The following MS4A4E variants were observed in gnomAD, a reference collection of about 807,000 sequenced individuals.
MS4A4E encodes the protein membrane spanning 4-domains A4E, also known as putative membrane-spanning 4-domains subfamily A member 4E.
In MS4A4E, 23 loss-of-function variants were observed where a neutral mutation model predicts 13.3. The observed-to-expected ratio is 1.73, with a 90% CI of 1.25 to 2.45. MS4A4E has a LOEUF of 2.45. Ranked by LOEUF, MS4A4E falls within the 30% of genes most tolerant of loss-of-function variation. The pLI is 0.00. For missense variants in MS4A4E, 144 were observed against 131.2 expected (o/e 1.10, Z -0.48); for synonymous variants, 36 against 45.6 (o/e 0.79, Z 0.85).
chr11:60,216,318 T>C (rs1168976491), intron 3 of MS4A4E, among the ~76,000 whole-genome samples: 2 of 152,214 alleles, frequency 1.3e-5, no homozygotes, highest in South Asian at 2.1e-4. Context: ...CAATGAGATC[T>C]TGAAAAGAAA....
chr11:60,227,679 C>T (rs994727523), intron 3 of MS4A4E, among the ~76,000 whole-genome samples: 1 of 152,006 alleles, frequency 6.6e-6, no homozygotes, highest in Non-Finnish European at 1.5e-5. Flanking sequence ...TTAGGAGTAA[C>T]ACTACCCATC....
chr11:60,217,983 T>C (rs2084217894), intron 3 of MS4A4E, among the ~76,000 whole-genome samples: 2 of 152,220 alleles, frequency 1.3e-5, no homozygotes, highest in Non-Finnish European at 2.9e-5. Flanking sequence ...AACAGAGCCA[T>C]ATTTCTCTTC....
chr11:60,232,833 C>G (rs1261731877), intron 1 of MS4A4E, among the ~76,000 whole-genome samples: 1 of 152,086 alleles, frequency 6.6e-6, no homozygotes, highest in Non-Finnish European at 1.5e-5. Context: ...CACGTGGAAG[C>G]CATTCCTGAG....
intron 3 of MS4A4E, among the ~76,000 whole-genome samples, chr11:60,216,661 T>C (rs971551917): frequency 2.0e-5 from 3 of 151,762 alleles, no homozygotes; most frequent in Non-Finnish European, 4.4e-5. Context: ...TTTCCAGAGA[T>C]GGAACAGTGT....
At chr11:60,215,707 A>G (rs2084183968) in intron 3 of MS4A4E, among the ~76,000 whole-genome samples, 1 of 152,000 alleles carries the variant, frequency 6.6e-6, no homozygotes. Context: ...TATATTAACC[A>G]AAATAATTAT....
chr11:60,235,003 T>C (rs548223239), intron 1 of MS4A4E, among the ~76,000 whole-genome samples: 1 of 152,310 alleles, frequency 6.6e-6, no homozygotes, highest in Admixed American at 6.5e-5. Context: ...AAGGACTGCC[T>C]GTACTTAGGT....
At chr11:60,209,969 T>G (rs570475621) in intron 5 of MS4A4E, among the ~76,000 whole-genome samples, 15 of 152,344 alleles carry the variant, frequency 9.8e-5, no homozygotes, top group African/African-American at 3.4e-4. Flanking sequence ...AGGCACAGAA[T>G]ATAGAACAGC....
At chr11:60,239,995 G>A (rs2084528879) in intron 1 of MS4A4E, among the ~76,000 whole-genome samples, 1 of 152,136 alleles carries the variant, frequency 6.6e-6, no homozygotes, top group Non-Finnish European at 1.5e-5. Flanking sequence ...AAGAGAAGAG[G>A]TAATTTTTAT....
chr11:60,241,479 C>A (rs11230209), intron 1 of MS4A4E, among the ~76,000 whole-genome samples: 1 of 150,632 alleles, frequency 6.6e-6, no homozygotes, highest in South Asian at 2.1e-4. Flanking sequence ...TCCTGAGGGC[C>A]GAGCCATTAT....
chr11:60,232,689 G>A (rs1460832454), intron 1 of MS4A4E, among the ~76,000 whole-genome samples: 1 of 152,078 alleles, frequency 6.6e-6, no homozygotes, highest in African/African-American at 2.4e-5. Context: ...CTGTGCCCTG[G>A]CCCCCATGGC....
chr11:60,203,083 A>G (rs1423074290), intron 8 of MS4A4E, among the ~76,000 whole-genome samples: 1 of 152,192 alleles, frequency 6.6e-6, no homozygotes, highest in African/African-American at 2.4e-5. Context: ...TAAAAATCAG[A>G]ATTCTGTGGA....
At chr11:60,205,110 C>A (rs1006298926) in intron 7 of MS4A4E, among the ~76,000 whole-genome samples, 152 bp from the exon 8 acceptor site, 1 of 152,134 alleles carries the variant, frequency 6.6e-6, no homozygotes, top group African/African-American at 2.4e-5. Context: ...AATGTCCATG[C>A]AAATTCAATA....
chr11:60,209,528 C>T (rs1246445798), intron 5 of MS4A4E, among the ~76,000 whole-genome samples: 4 of 152,196 alleles, frequency 2.6e-5, no homozygotes, highest in Admixed American at 6.5e-5. Flanking sequence ...ACTGTATTGT[C>T]TTGAGACACT....
At chr11:60,211,239 A>G (rs1278356947) in intron 5 of MS4A4E, among the ~76,000 whole-genome samples, 1 of 152,262 alleles carries the variant, frequency 6.6e-6, no homozygotes, top group Non-Finnish European at 1.5e-5. Flanking sequence ...TAACTGAGTG[A>G]CATTGGGAAA....
At chr11:60,227,563 T>C (rs1268457221) in intron 3 of MS4A4E, among the ~76,000 whole-genome samples, 1 of 151,826 alleles carries the variant, frequency 6.6e-6, no homozygotes, top group Admixed American at 6.6e-5. Context: ...AATATATATA[T>C]ATATATTAGC....
Position 60,208,690 on chromosome 11 carries a change from G to A in MS4A4E, c.386C>T (p.Thr129Met), listed in dbSNP as rs192853978. The A allele has an allele frequency of 1.1e-4, 149 of 1,303,630 alleles. No individual in the cohort carries two copies. The East Asian group carries it at 1.9e-3, about 16-fold the overall frequency. The allele number at this position is 1,303,630 out of a possible 1,614,324, so 80.8% of individuals were successfully genotyped here. ...CYMTMSILMG[T>M]DGMVLLLSVL... ...ACTTAAGAGGAGCACCATGCCATCC[G>A]TACCCTAGGAGAAAACTCATAACAA... Residue 129 changes from threonine to methionine, a missense_variant, in exon 6 of 9, where the codon ACG becomes ATG. Transcript: ENST00000651255.
intron 3 of MS4A4E, among the ~76,000 whole-genome samples, chr11:60,224,382 C>A (rs942987926): frequency 6.6e-6 from 1 of 152,168 alleles, no homozygotes; most frequent in African/African-American, 2.4e-5. Flanking sequence ...TGCCTGTTTA[C>A]CAGCCACATC....
At chr11:60,242,905 A>C (rs1386123751) in intron 1 of MS4A4E, 53 bp downstream of exon 1, 1 of 1,361,596 alleles carries the variant, frequency 7.3e-7, no homozygotes, top group Admixed American at 2.2e-5. Context: ...AAACCCAGGA[A>C]ATGAAACAAA....
chr11:60,213,286 A>G, intron 4 of MS4A4E, 154 bp from the exon 5 acceptor site: 1 of 1,535,582 alleles, frequency 6.5e-7, no homozygotes, highest in Non-Finnish European at 8.7e-7. Context: ...TCGCCAAAAC[A>G]CAAATATGAT....
Sources: gnomAD v4.1 joint callset for allele counts (sites outside exome capture counted in the v4.1 genomes callset) on GRCh38, gnomAD v4.1.1 for gene constraint, MANE v1.5 for transcripts, NCBI Gene and HGNC (gene_info 2026-07-23, HGNC 2026-07-21) for gene names.